ANP32B: variants seen among roughly 807,000 people sequenced by gnomAD.
ANP32B encodes the protein acidic leucine-rich nuclear phosphoprotein 32 family member B.
ANP32B carries 6 observed loss-of-function variants against 32.2 expected under a neutral mutation model. The observed-to-expected ratio is 0.19, with a 90% CI of 0.10 to 0.37. ANP32B has a LOEUF of 0.37. Ranked by LOEUF, ANP32B falls within the 10% of genes least tolerant of loss-of-function variation. The pLI is 1.00. For synonymous variants in ANP32B, 98 were observed against 105.8 expected (o/e 0.93, Z 0.45); for missense variants, 204 against 289.2 (o/e 0.71, Z 2.14).
chr9:98,010,519 G>A (rs921126535), intron 4 of ANP32B, among the ~76,000 whole-genome samples: 2 of 152,168 alleles, frequency 1.3e-5, no homozygotes, highest in African/African-American at 4.8e-5. Flanking sequence ...GAGAGCCTAT[G>A]ACCTGGCATT....
rs1827877835 is a variant in ANP32B at position 97,994,687 on chromosome 9, A to G, written c.111A>G (p.Leu37=). Reference sequence around the variant, plus strand: ...CAAATGATGGAAAAATTGAGGGCTTAACAGCTGAATTTGTGAACTTAGAGT... The same window carrying G: ...CAAATGATGGAAAAATTGAGGGCTTGACAGCTGAATTTGTGAACTTAGAGT... ...CKSNDGKIEG[L]TAEFVNLEFL... is the part of the protein sequence containing the mutation. Residue 37 remains leucine, a synonymous_variant, in exon 2 of 7, where the codon TTA becomes TTG. Coordinates refer to ENST00000339399, the MANE Select transcript of ANP32B (RefSeq NM_006401.3). 1 of 1,612,012 alleles carries G rather than the reference A, an allele frequency of 6.2e-7. No homozygotes were observed. The highest frequency in any genetic ancestry group is 1.3e-5 in the African/African-American group (1 of 74,838).
At chr9:98,014,499 T>C (rs1828241913) in intron 6 of ANP32B, among the ~76,000 whole-genome samples, 1 of 152,246 alleles carries the variant, frequency 6.6e-6, no homozygotes, top group Non-Finnish European at 1.5e-5. Context: ...AAAATTGGTC[T>C]ATATGTAAGT....
chr9:98,014,783 G>A (rs1039697129), intron 6 of ANP32B, among the ~76,000 whole-genome samples: 1 of 152,082 alleles, frequency 6.6e-6, no homozygotes, highest in African/African-American at 2.4e-5. Flanking sequence ...AGACAGTTTC[G>A]CTCTTATCAC....
intron 4 of ANP32B, 183 bp downstream of exon 4, chr9:98,005,336 T>G: frequency 6.7e-6 from 3 of 444,704 alleles, no homozygotes; most frequent in Non-Finnish European, 1.2e-5. Flanking sequence ...GGCAATACCT[T>G]GTTTCTACAG....
chr9:98,011,850 G>A (rs1034826613), intron 5 of ANP32B, among the ~76,000 whole-genome samples: 1 of 152,196 alleles, frequency 6.6e-6, no homozygotes, highest in African/African-American at 2.4e-5. Flanking sequence ...CCCTGAAAGA[G>A]CACAGTCTGG....
At position 98,015,653 on chromosome 9, in the gene ANP32B, T is replaced by C. The variant is rs1828266869; in HGVS notation, c.*222T>C. On this transcript the variant is annotated 3_prime_UTR_variant, in exon 7 of 7. Transcript: ENST00000339399. ...GCTTGTGGACTTCACCCCAACAAAATTGTAAGCGTTGTTAGGTTTTTGTGT... is the reference window on the plus strand; with the variant it reads ...GCTTGTGGACTTCACCCCAACAAAACTGTAAGCGTTGTTAGGTTTTTGTGT... The C allele has an allele frequency of 8.1e-7, 1 of 1,230,390 alleles. No individual in the cohort carries two copies. Among genetic ancestry groups the C allele is most frequent in the Non-Finnish European group, 1.0e-6 (1 of 976,568 alleles). 76.2% of individuals were successfully genotyped at this position (1,230,390 alleles called of 1,614,324 possible). A position where few individuals can be genotyped will look rare whatever the true frequency, so the allele number is the denominator to read the frequency against.
chr9:97,992,954 A>G (rs550045296), intron 1 of ANP32B, among the ~76,000 whole-genome samples: 1 of 152,312 alleles, frequency 6.6e-6, no homozygotes, highest in Non-Finnish European at 1.5e-5. Context: ...AGTGACTCGC[A>G]CAAGGTCGCA....
chr9:98,006,759 G>A (rs1226325972), intron 4 of ANP32B, among the ~76,000 whole-genome samples: 1 of 152,142 alleles, frequency 6.6e-6, no homozygotes, highest in Non-Finnish European at 1.5e-5. Flanking sequence ...TACAGAGGCC[G>A]AGGTAGATCA....
intron 1 of ANP32B, among the ~76,000 whole-genome samples, chr9:97,992,368 G>T (rs1014511690): frequency 6.6e-6 from 1 of 152,176 alleles, no homozygotes. Context: ...GGGATTACAG[G>T]CATGAGCCAC....
chr9:98,004,314 T>C (rs1828042187), intron 3 of ANP32B, among the ~76,000 whole-genome samples: 1 of 152,182 alleles, frequency 6.6e-6, no homozygotes, highest in African/African-American at 2.4e-5. Context: ...AACATGTCAG[T>C]CTTTTCCCCA....
At chr9:97,994,922 A>G in intron 2 of ANP32B, 142 bp downstream of exon 2, 3 of 813,334 alleles carry the variant, frequency 3.7e-6, no homozygotes, top group Non-Finnish European at 5.4e-6. Context: ...TTCTAGCCCT[A>G]GCATTTCCTT....
At chr9:97,994,521 G>GC in intron 1 of ANP32B, 110 bp from the exon 2 acceptor site, 1 of 1,021,020 alleles carries the variant, frequency 9.8e-7, no homozygotes, top group Non-Finnish European at 1.4e-6. Context: ...GTAAGAGGCT[G>GC]CCTGTATATA....
intron 1 of ANP32B, among the ~76,000 whole-genome samples, chr9:97,992,503 C>T (rs1827844516): frequency 6.6e-6 from 1 of 152,164 alleles, no homozygotes; most frequent in Non-Finnish European, 1.5e-5. Flanking sequence ...GAGGTGATTT[C>T]ACTCTGTGAG....
At chr9:97,985,226 A>G (rs1406453156) in intron 1 of ANP32B, among the ~76,000 whole-genome samples, 3 of 152,006 alleles carry the variant, frequency 2.0e-5, no homozygotes, top group East Asian at 3.9e-4. Flanking sequence ...GCTGTGGTTA[A>G]CAAGTCGCGA....
intron 3 of ANP32B, among the ~76,000 whole-genome samples, chr9:98,001,192 ATTTTT>A (rs756650846): frequency 7.4e-6 from 1 of 135,740 alleles, no homozygotes. Context: ...TTCTGGTTTA[ATTTTT>A]TTTTTTTTTT....
In ANP32B at chr9:98,011,359, G is replaced by A; in HGVS notation, c.606G>A (p.Gly202=). 1 of 1,567,276 alleles carries A rather than the reference G, an allele frequency of 6.4e-7. No individual in the cohort carries two copies. Among genetic ancestry groups the A allele is most frequent in the Non-Finnish European group, 8.7e-7 (1 of 1,152,046 alleles). ...ATGATGAAGATGAAGATGTAGAAGGGGATGAGGACGACGATGAAGTCAGTG... is the reference window on the plus strand; with the variant it reads ...ATGATGAAGATGAAGATGTAGAAGGAGATGAGGACGACGATGAAGTCAGTG... ...EEDDEDEDVE[G]DEDDDEVSEE... The change falls in exon 5 of 7, where the codon GGG becomes GGA. Residue 202 remains glycine, a synonymous_variant. Coordinates refer to ENST00000339399, the MANE Select transcript of ANP32B (RefSeq NM_006401.3).
In ANP32B at chr9:97,994,797, T is replaced by G; in HGVS notation, c.204+17T>G. ...TTGAAAAAGGTAAGTGCTTTTTCTT[T>G]AACAGTAAAAGAGAACGATCCTGGG... On this transcript the variant is annotated intron_variant, in intron 2 of 6. Transcript: ENST00000339399. The G allele has an allele frequency of 6.3e-7, 1 of 1,578,680 alleles. No homozygotes were observed. Among genetic ancestry groups the G allele is most frequent in the Non-Finnish European group, 8.6e-7 (1 of 1,165,506 alleles).
At chr9:98,010,236 C>T (rs746404077) in intron 4 of ANP32B, among the ~76,000 whole-genome samples, 2 of 149,870 alleles carry the variant, frequency 1.3e-5, no homozygotes, top group South Asian at 4.2e-4. Context: ...AGGTTCCTAC[C>T]CTCTTGGACC....
At chr9:97,983,663 T>A (rs1487142309) in intron 1 of ANP32B, 54 bp downstream of exon 1, 1 of 1,411,524 alleles carries the variant, frequency 7.1e-7, no homozygotes, top group East Asian at 2.9e-5. Flanking sequence ...CATGTAATGG[T>A]GGCCACCTGC....
Sources: allele counts gnomAD v4.1 joint callset (sites outside exome capture counted in the v4.1 genomes callset), GRCh38; gene constraint gnomAD v4.1.1; transcripts MANE v1.5; gene names NCBI Gene and HGNC (gene_info 2026-07-23, HGNC 2026-07-21).